TLCD5: variants seen among roughly 807,000 people sequenced by gnomAD.
TLCD5 encodes TLC domain-containing protein 5.
Under a neutral mutation model 20.5 loss-of-function variants are expected in TLCD5, and 15 were observed. The ratio of observed to expected loss-of-function variants is 0.73; its 90% CI spans 0.49 to 1.13. The LOEUF is 1.13. TLCD5 is among the 50% of genes most tolerant of loss of function. The probability of loss-of-function intolerance (pLI) is 0.00; values close to 1 mark genes in which losing one functional copy is unlikely to be tolerated. For missense variants in TLCD5, 289 were observed against 305.6 expected, an observed-to-expected ratio of 0.95 and a Z score of 0.41; for synonymous variants, 107 against 114.7, an observed-to-expected ratio of 0.93 and a Z score of 0.43.
rs1941962450 is a variant in TLCD5 at position 120,325,309 on chromosome 11, G to C, written c.-61G>C. ...TGGCTCCTCCGCTTCCTGTTGCCGCGATCCGGGCCGGGAGCTGCGGGCGCC... is the reference window on the plus strand; with the variant it reads ...TGGCTCCTCCGCTTCCTGTTGCCGCCATCCGGGCCGGGAGCTGCGGGCGCC... On this transcript the variant is annotated 5_prime_UTR_variant, in exon 1 of 3. Coordinates refer to ENST00000375095, the MANE Select transcript of TLCD5 (RefSeq NM_001198671.2). 6.6e-6 allele frequency: 1 copy of C among 152,234 alleles called. No individual in the cohort carries two copies. The highest frequency in any genetic ancestry group is 2.1e-4 in the South Asian group (1 of 4,832). The allele number at this position is 152,234 out of a possible 1,614,324, so 9.4% of individuals were successfully genotyped here. A position where few individuals can be genotyped will look rare whatever the true frequency, so the allele number is the denominator to read the frequency against.
At chr11:120,325,472 G>A (rs1027314026) in intron 1 of TLCD5, 104 bp downstream of exon 1, 1 of 152,034 alleles carries the variant, frequency 6.6e-6, no homozygotes, top group South Asian at 2.1e-4. Context: ...CTCCGAAGGG[G>A]AGCGGGCCTC....
chr11:120,328,505 C>T (rs1455019255), intron 2 of TLCD5, among the ~76,000 whole-genome samples: 2 of 152,038 alleles, frequency 1.3e-5, no homozygotes, highest in African/African-American at 4.8e-5. Context: ...AGTCGGAGTT[C>T]AAGTTGTTAG....
chr11:120,327,439 A>C lies in TLCD5; in HGVS notation c.-1-2A>C. ...TTTCTGGTTTTGGTCTTTTCATCAC[A>C]GGATGGCATTAGCTCTGTGTCTGCA... is the stretch of plus-strand genomic sequence containing the variant. On this transcript the variant is annotated splice_acceptor_variant, in intron 1 of 2. Coordinates refer to ENST00000375095, the MANE Select transcript of TLCD5 (RefSeq NM_001198671.2). LOFTEE classifies it low-confidence loss of function (5UTR_SPLICE). 6.2e-7 allele frequency: 1 copy of C among 1,614,264 alleles called. No homozygotes were observed. Among genetic ancestry groups the C allele is most frequent in the South Asian group, 1.1e-5 (1 of 91,082 alleles).
At chr11:120,328,620 G>GTA (rs1942056219) in intron 2 of TLCD5, among the ~76,000 whole-genome samples, 2 of 63,666 alleles carry the variant, frequency 3.1e-5, no homozygotes, top group African/African-American at 5.4e-5. Context: ...GTGTATGTGT[G>GTA]TGTGTTTGTA....
chr11:120,327,299 G>C (rs2135161977), intron 1 of TLCD5, 142 bp from the exon 2 acceptor site: 1 of 1,398,800 alleles, frequency 7.1e-7, no homozygotes, highest in Admixed American at 2.0e-5. Context: ...AAGATTCTTG[G>C]CCGTGTAGAT....
rs1942185888 is a variant in TLCD5 at position 120,332,798 on chromosome 11, TG to T, written c.*2286del. 6.6e-6 allele frequency: 1 copy of T among 152,286 alleles called. No homozygotes were observed. Among genetic ancestry groups the T allele is most frequent in the East Asian group, 1.9e-4 (1 of 5,200 alleles). 9.4% of individuals were successfully genotyped at this position (152,286 alleles called of 1,614,324 possible). A position where few individuals can be genotyped will look rare whatever the true frequency, so the allele number is the denominator to read the frequency against. ...CACCCGCCTCGGCCTCCCAAAGTGC[TG>T]GGATTACAGGTGTGAGCCACCGTGC... is the stretch of plus-strand genomic sequence containing the variant. On this transcript the variant is annotated 3_prime_UTR_variant, in exon 3 of 3. Coordinates refer to ENST00000375095, the MANE Select transcript of TLCD5 (RefSeq NM_001198671.2). The surrounding 1 kb of genome is among the most constrained non-coding windows in gnomAD (Gnocchi z 4.2).
Position 120,330,694 on chromosome 11 carries a change from A to G in TLCD5, c.*179A>G. 1.6e-6 allele frequency: 1 copy of G among 627,740 alleles called. No homozygotes were observed. The allele number at this position is 627,740 out of a possible 1,614,324, so 38.9% of individuals were successfully genotyped here. A position where few individuals can be genotyped will look rare whatever the true frequency, so the allele number is the denominator to read the frequency against. ...TACCAGTATTAAAACACTAACTTCT[A>G]CAGTAGCACAGTTGTAGAAAGTGAG... On this transcript the variant is annotated 3_prime_UTR_variant, in exon 3 of 3. Transcript: ENST00000375095.
At chr11:120,328,451 T>C (rs1433303528) in intron 2 of TLCD5, among the ~76,000 whole-genome samples, 1 of 152,170 alleles carries the variant, frequency 6.6e-6, no homozygotes, top group East Asian at 1.9e-4. Context: ...ACAGAGTGGG[T>C]GGCTTAACCA....
At position 120,332,070 on chromosome 11, in the gene TLCD5, T is replaced by A. The variant is rs773287637; in HGVS notation, c.*1555T>A. The A allele has an allele frequency of 7.9e-5, 12 of 151,914 alleles. No individual in the cohort carries two copies. The highest frequency in any genetic ancestry group is 1.5e-4 in the Non-Finnish European group (10 of 67,990). 9.4% of individuals were successfully genotyped at this position (151,914 alleles called of 1,614,324 possible). On this transcript the variant is annotated 3_prime_UTR_variant, in exon 3 of 3. Coordinates refer to ENST00000375095, the MANE Select transcript of TLCD5 (RefSeq NM_001198671.2). This position sits in a 1 kb window ranked among gnomAD's most constrained non-coding sequence, Gnocchi z 4.2. Reference sequence around the variant, plus strand: ...AAGGCCAGTCTTGGAAGGAAAAAAATAATAATTCTTAGTGTGACAGTCTCC... The same window carrying A: ...AAGGCCAGTCTTGGAAGGAAAAAAAAAATAATTCTTAGTGTGACAGTCTCC...
At chr11:120,325,703 C>T (rs1941982613) in intron 1 of TLCD5, among the ~76,000 whole-genome samples, 1 of 152,194 alleles carries the variant, frequency 6.6e-6, no homozygotes, top group African/African-American at 2.4e-5. Context: ...GGCCCTGGAA[C>T]GGGAGAAACC....
rs1942152271 is a variant in TLCD5, at chr11:120,331,507, A to C, written c.*992A>C. 6.6e-6 allele frequency: 1 copy of C among 152,222 alleles called. No individual in the cohort carries two copies. The highest frequency in any genetic ancestry group is 1.5e-5 in the Non-Finnish European group (1 of 68,042). The allele number at this position is 152,222 out of a possible 1,614,324, so 9.4% of individuals were successfully genotyped here. A position where few individuals can be genotyped will look rare whatever the true frequency, so the allele number is the denominator to read the frequency against. On this transcript the variant is annotated 3_prime_UTR_variant, in exon 3 of 3. Coordinates refer to ENST00000375095, the MANE Select transcript of TLCD5 (RefSeq NM_001198671.2). The surrounding 1 kb of genome is among the most constrained non-coding windows in gnomAD (Gnocchi z 4.5). ...GTTCAGCATAAGCCATATTGTTTGC[A>C]CAAGCAGTTCAGACACAGTAAGCCA...
At position 120,330,122 on chromosome 11, in the gene TLCD5, G is replaced by GA. The variant is rs1942115817; in HGVS notation, c.345_346insA (p.Ala116SerfsTer19). On this transcript the variant is annotated frameshift_variant, in exon 3 of 3. Coordinates refer to ENST00000375095, the MANE Select transcript of TLCD5 (RefSeq NM_001198671.2). LOFTEE classifies it high-confidence loss of function. ...CATTGAGTATCTTGGGCATTATCAT[G>GA]GCCCTTGTGCTTGGGGAGTCTGGCA... 6.2e-7 allele frequency: 1 copy of GA among 1,613,620 alleles called. No homozygotes were observed. The highest frequency in any genetic ancestry group is 1.1e-5 in the South Asian group (1 of 91,004).
intron 1 of TLCD5, among the ~76,000 whole-genome samples, chr11:120,326,378 T>C (rs1428912637): frequency 1.3e-5 from 2 of 152,210 alleles, no homozygotes; most frequent in African/African-American, 4.8e-5. Flanking sequence ...GAACTTGACC[T>C]TCATGAAGCC....
In TLCD5 at chr11:120,332,920, G is replaced by A. The variant is rs1352221421; in HGVS notation, c.*2405G>A. 3.3e-5 allele frequency: 5 copies of A among 152,110 alleles called. No individual in the cohort carries two copies. The allele number at this position is 152,110 out of a possible 1,614,324, so 9.4% of individuals were successfully genotyped here. A position where few individuals can be genotyped will look rare whatever the true frequency, so the allele number is the denominator to read the frequency against. On this transcript the variant is annotated 3_prime_UTR_variant, in exon 3 of 3. Transcript: ENST00000375095. This position sits in a 1 kb window ranked among gnomAD's most constrained non-coding sequence, Gnocchi z 4.2. Reference sequence around the variant, plus strand: ...AATGGTATAAAGTCATCACTGTTAGGGAAACAGTAACTTTAAATGCATGTT... The same window carrying A: ...AATGGTATAAAGTCATCACTGTTAGAGAAACAGTAACTTTAAATGCATGTT...
In TLCD5 at chr11:120,330,516, C is replaced by T. The variant is rs752770339; in HGVS notation, c.*1C>T. 2.5e-6 allele frequency: 4 copies of T among 1,604,796 alleles called. No individual in the cohort carries two copies. Among genetic ancestry groups the T allele is most frequent in the Non-Finnish European group, 3.4e-6 (4 of 1,175,002 alleles). On this transcript the variant is annotated 3_prime_UTR_variant, in exon 3 of 3. Coordinates refer to ENST00000375095, the MANE Select transcript of TLCD5 (RefSeq NM_001198671.2). ...CAACGGACATCTCAAAATACACTAG[C>T]CAAGGCTTGCTCCAGATTATGGATT...
chr11:120,328,861 GTGTATGTA>G (rs1942073834), intron 2 of TLCD5, among the ~76,000 whole-genome samples: 1 of 146,516 alleles, frequency 6.8e-6, no homozygotes, highest in East Asian at 2.1e-4. Context: ...GTGTGTGTGT[GTGTATGTA>G]TATGTATGCA....
chr11:120,331,171 A>T lies in TLCD5; in HGVS notation c.*656A>T, dbSNP rs964801519. On this transcript the variant is annotated 3_prime_UTR_variant, in exon 3 of 3. Transcript: ENST00000375095. The surrounding 1 kb of genome is among the most constrained non-coding windows in gnomAD (Gnocchi z 4.5). ...TTCTCTGGGAAGACTCAGTGGACTC[A>T]GCATATAGTCTTACTTATAGTTTTG... is the stretch of plus-strand genomic sequence containing the variant. The T allele has an allele frequency of 2.0e-5, 3 of 152,240 alleles. No individual in the cohort carries two copies. The highest frequency in any genetic ancestry group is 7.2e-5 in the African/African-American group (3 of 41,442). 9.4% of individuals were successfully genotyped at this position (152,240 alleles called of 1,614,324 possible).
chr11:120,330,220 A>C lies in TLCD5; in HGVS notation c.443A>C (p.Glu148Ala), dbSNP rs537973788. 583 of 1,556,316 alleles carry C rather than the reference A, an allele frequency of 3.7e-4. 13 individuals carry two copies. In the South Asian group the frequency reaches 6.6e-3, roughly 18 times the overall value. The change falls in exon 3 of 3, where the codon GAA becomes GCA. Residue 148 changes from glutamate (E) to alanine (A), a missense_variant. Transcript: ENST00000375095. ...CTACAGATGCGCTGGTTTCTCCGGG[A>C]AACAGGGCACTATCACAGTTTCACT... ...PLLQMRWFLR[E>A]TGHYHSFTGD...
chr11:120,329,475 A>G (rs1377830229), intron 2 of TLCD5, among the ~76,000 whole-genome samples: 1 of 152,174 alleles, frequency 6.6e-6, no homozygotes, highest in Non-Finnish European at 1.5e-5. Context: ...ACATGAGCAC[A>G]CACTAACTTT....
Sources: gnomAD v4.1 joint callset for allele counts (sites outside exome capture counted in the v4.1 genomes callset) on GRCh38, gnomAD v4.1.1 for gene constraint, Gnocchi (gnomAD v3.1) non-coding constraint, MANE v1.5 for transcripts, NCBI Gene and HGNC (gene_info 2026-07-23, HGNC 2026-07-21) for gene names.